Variants in NALCN observed in about 807,000 individuals in gnomAD.
NALCN encodes the protein sodium leak channel, non-selective, also known as sodium leak channel NALCN.
NALCN carries 111 observed loss-of-function variants against 225.3 expected under a neutral mutation model. That is an observed-to-expected ratio of 0.49 (90% confidence interval 0.42 to 0.58). The LOEUF (loss-of-function observed/expected upper bound fraction) is 0.58, where lower values mean the gene tolerates loss of function less well. Among genes scored for constraint, NALCN ranks in the 20% least tolerant of loss-of-function variants. The pLI, the probability that NALCN is intolerant of heterozygous loss-of-function variation, is 0.00. For missense variants in NALCN, 1,378 were observed against 2,202.4 expected (o/e 0.63, Z 7.49); for synonymous variants, 764 against 769.0 (o/e 0.99, Z 0.11).
At chr13:101,225,521 T>C (rs2041109015) in intron 13 of NALCN, among the ~76,000 whole-genome samples, 1 of 152,214 alleles carries the variant, frequency 6.6e-6, no homozygotes, top group South Asian at 2.1e-4. Context: ...TTTAAAGTTC[T>C]TTCAACAGAA....
chr13:101,155,205 T>C (rs776555347), intron 15 of NALCN, among the ~76,000 whole-genome samples: 3 of 152,210 alleles, frequency 2.0e-5, no homozygotes, highest in Non-Finnish European at 4.4e-5. Context: ...TTATATACCA[T>C]AGAACATTTA....
At chr13:101,228,503 A>C in intron 13 of NALCN, among the ~76,000 whole-genome samples, 1 of 152,038 alleles carries the variant, frequency 6.6e-6, no homozygotes, top group East Asian at 1.9e-4. Context: ...TGTGGTAGTG[A>C]ATAAGTCTCA....
chr13:101,373,852 ATGC>A (rs2046609921), intron 6 of NALCN, among the ~76,000 whole-genome samples: 1 of 152,172 alleles, frequency 6.6e-6, no homozygotes, highest in Non-Finnish European at 1.5e-5. Flanking sequence ...AGAATAATAA[ATGC>A]AATAACTTAC....
intron 10 of NALCN, among the ~76,000 whole-genome samples, chr13:101,282,049 T>G (rs376101733): frequency 6.6e-6 from 1 of 152,168 alleles, no homozygotes; most frequent in African/African-American, 2.4e-5. Flanking sequence ...CCTTTTACAC[T>G]GTTGGTGGGG....
At position 101,173,083 on chromosome 13, in the gene NALCN, T is replaced by C. The variant is rs1015280324; in HGVS notation, c.1839+3217A>G. ...TGCAAAGTGGCACCTTGAGTGGCGT[T>C]TGCCATCGCGCAGCAAGACTGTAAC... On this transcript the variant is annotated intron_variant, in intron 15 of 43. Transcript: ENST00000251127. Among the ~76,000 whole-genome samples the C allele has an allele frequency of 1.4e-4, 21 of 152,318 alleles. No individual in the cohort carries two copies. In the South Asian group the frequency reaches 1.7e-3, roughly 12 times the overall value.
intron 17 of NALCN, among the ~76,000 whole-genome samples, chr13:101,129,398 A>T (rs1259269726): frequency 6.6e-6 from 1 of 152,194 alleles, no homozygotes; most frequent in African/African-American, 2.4e-5. Context: ...TGTTAGTCAA[A>T]TTATCTCTAC....
At chr13:101,088,723 CT>C (rs2034058371) in intron 30 of NALCN, among the ~76,000 whole-genome samples, 1 of 152,160 alleles carries the variant, frequency 6.6e-6, no homozygotes, top group African/African-American at 2.4e-5. Flanking sequence ...GAGCAAGCCC[CT>C]CTCCAAGGAG....
At chr13:101,098,641 A>G (rs2034642982) in intron 27 of NALCN, among the ~76,000 whole-genome samples, 1 of 152,194 alleles carries the variant, frequency 6.6e-6, no homozygotes, top group South Asian at 2.1e-4. Context: ...GTTGTCTTTA[A>G]CAGGAACTGT....
At chr13:101,156,424 A>C (rs2037905184) in intron 15 of NALCN, among the ~76,000 whole-genome samples, 1 of 152,182 alleles carries the variant, frequency 6.6e-6, no homozygotes. Context: ...GGGGAAATAC[A>C]TGTATGTATA....
intron 7 of NALCN, among the ~76,000 whole-genome samples, chr13:101,301,697 G>A (rs1386685332): frequency 1.3e-5 from 2 of 151,374 alleles, no homozygotes; most frequent in Admixed American, 6.6e-5. Flanking sequence ...CTCCAGCCTC[G>A]GGGACAGAGC....
At chr13:101,134,109 G>T (rs1432616071) in intron 17 of NALCN, among the ~76,000 whole-genome samples, 1 of 152,164 alleles carries the variant, frequency 6.6e-6, no homozygotes, top group Non-Finnish European at 1.5e-5. Flanking sequence ...GGCAGAGCTT[G>T]CAGTGAGCTG....
intron 14 of NALCN, among the ~76,000 whole-genome samples, chr13:101,188,596 A>C (rs1205405126): frequency 1.3e-5 from 2 of 151,286 alleles, no homozygotes; most frequent in African/African-American, 2.4e-5. Context: ...ATATACACAC[A>C]CATATATATA....
At chr13:101,268,640 A>C (rs1594567719) in intron 10 of NALCN, among the ~76,000 whole-genome samples, 2 of 152,324 alleles carry the variant, frequency 1.3e-5, no homozygotes, top group Middle Eastern at 6.8e-3. Flanking sequence ...CTAGGAGCAC[A>C]CAAAAGCCAT....
At chr13:101,095,449 T>C (rs1021414385) in intron 28 of NALCN, 125 bp downstream of exon 28, 25 of 719,478 alleles carry the variant, frequency 3.5e-5, no homozygotes, top group Non-Finnish European at 5.6e-5. Context: ...TCGCCCTGTA[T>C]GACTTAAGAT....
At chr13:101,078,718 T>C (rs962342654) in intron 34 of NALCN, among the ~76,000 whole-genome samples, 4 of 152,224 alleles carry the variant, frequency 2.6e-5, no homozygotes, top group Non-Finnish European at 5.9e-5. Context: ...ACTTTTAAGT[T>C]AATGCTGGAA....
chr13:101,194,902 G>A (rs540390359), intron 13 of NALCN, among the ~76,000 whole-genome samples: 212 of 152,320 alleles, frequency 1.4e-3, no homozygotes, highest in African/African-American at 5.0e-3. Context: ...TACTCGGGAG[G>A]CTGAGGAAGA....
chr13:101,120,102 A>T (rs919358627), intron 18 of NALCN, among the ~76,000 whole-genome samples: 1 of 152,186 alleles, frequency 6.6e-6, no homozygotes, highest in Non-Finnish European at 1.5e-5. Context: ...TCCTCTCTGA[A>T]AGACTTCTTC....
At chr13:101,177,676 AT>A (rs888841657) in intron 14 of NALCN, among the ~76,000 whole-genome samples, 4 of 152,054 alleles carry the variant, frequency 2.6e-5, no homozygotes, top group African/African-American at 9.7e-5. Context: ...TCAACTTTGA[AT>A]TTTTTTAAGT....
At chr13:101,309,180 T>A (rs2044254344) in intron 7 of NALCN, among the ~76,000 whole-genome samples, 2 of 152,188 alleles carry the variant, frequency 1.3e-5, no homozygotes, top group South Asian at 4.1e-4. Context: ...AATAATGCTA[T>A]TTTTACCAAA....
Sources: gnomAD v4.1 joint callset for allele counts (sites outside exome capture counted in the v4.1 genomes callset) on GRCh38, gnomAD v4.1.1 for gene constraint, MANE v1.5 for transcripts, NCBI Gene and HGNC (gene_info 2026-07-23, HGNC 2026-07-21) for gene names.